Variants in HERC2 observed in about 807,000 individuals in gnomAD.
HERC2 encodes the protein HECT and RLD domain containing E3 ubiquitin protein ligase 2.
Under a neutral mutation model 537.7 loss-of-function variants are expected in HERC2, and 102 were observed. The ratio of observed to expected loss-of-function variants is 0.19; its 90% confidence interval spans 0.16 to 0.22. HERC2 has a LOEUF of 0.22. Ranked by LOEUF, HERC2 falls within the 10% of genes least tolerant of loss-of-function variation. The pLI is 1.00. For missense variants in HERC2, 4,236 were observed against 6,198.2 expected (o/e 0.68, Z 10.63); for synonymous variants, 2,224 against 2,466.2 (o/e 0.90, Z 2.91).
At chr15:28,316,744 A>C (rs2077097155) in intron 2 of HERC2, among the ~76,000 whole-genome samples, 1 of 152,188 alleles carries the variant, frequency 6.6e-6, no homozygotes, top group Admixed American at 6.5e-5. Flanking sequence ...AGAATTTATC[A>C]AGATACTCAT....
At position 28,265,536 on chromosome 15, in the gene HERC2, A is replaced by G; in HGVS notation, c.1870+82T>C. The G allele has an allele frequency of 8.4e-7, 1 of 1,187,462 alleles. No homozygotes were observed. Among genetic ancestry groups the G allele is most frequent in the Non-Finnish European group, 1.2e-6 (1 of 802,650 alleles). 73.6% of individuals were successfully genotyped at this position (1,187,462 alleles called of 1,614,324 possible). A position where few individuals can be genotyped will look rare whatever the true frequency, so the allele number is the denominator to read the frequency against. ...CAGGGTGGGTGGCCTCGTGAGGCCC[A>G]CTGTACTCATCTCACTTCCTCCAGG... On this transcript the variant is annotated intron_variant, in intron 14 of 92. Coordinates refer to ENST00000261609, the MANE Select transcript of HERC2 (RefSeq NM_004667.6). The surrounding 1 kb of genome is among the most constrained non-coding windows in gnomAD (Gnocchi z 4.0).
At chr15:28,220,303 G>A (rs1900386180) in intron 37 of HERC2, 149 bp downstream of exon 37, 1 of 731,572 alleles carries the variant, frequency 1.4e-6, no homozygotes, top group South Asian at 1.6e-5. Flanking sequence ...GTGCCTGGGA[G>A]CTTATTTAAA....
chr15:28,307,531 C>T (rs1259140341), intron 2 of HERC2, among the ~76,000 whole-genome samples: 4 of 152,150 alleles, frequency 2.6e-5, no homozygotes, highest in African/African-American at 9.6e-5. Context: ...CCACAGATTT[C>T]GTATGCTGTG....
At chr15:28,231,341 T>G (rs1359469902) in intron 30 of HERC2, among the ~76,000 whole-genome samples, 1 of 151,968 alleles carries the variant, frequency 6.6e-6, no homozygotes, top group Non-Finnish European at 1.5e-5. Context: ...GCCTGAGAAG[T>G]TTTTTGGTAT....
chr15:28,266,005 C>A, intron 12 of HERC2, 31 bp from the exon 13 acceptor site: 1 of 1,608,104 alleles, frequency 6.2e-7, no homozygotes, highest in Non-Finnish European at 8.5e-7. Context: ...ACATGAATGC[C>A]CTTCTTCTTG....
At chr15:28,193,287 G>A (rs573627226) in intron 52 of HERC2, among the ~76,000 whole-genome samples, 1 of 152,192 alleles carries the variant, frequency 6.6e-6, no homozygotes, top group East Asian at 1.9e-4. Context: ...TATTTCAGCA[G>A]AGAACCAAAA....
At chr15:28,295,722 T>C (rs997990111) in intron 3 of HERC2, among the ~76,000 whole-genome samples, 7 of 152,174 alleles carry the variant, frequency 4.6e-5, no homozygotes, top group Admixed American at 1.3e-4. Context: ...TTTTTAATAA[T>C]TGAAAAATAA....
rs774104595 is a variant in HERC2, at chr15:28,274,885, C to T, written c.643+20G>A. On this transcript the variant is annotated intron_variant, in intron 6 of 92. Coordinates refer to ENST00000261609, the MANE Select transcript of HERC2 (RefSeq NM_004667.6). ...GATGTATTAGGGAAGCAGAACAACG[C>T]GCCACACCAGGGACCGTACCTGATC... 23 of 1,588,836 alleles carry T rather than the reference C, an allele frequency of 1.4e-5. No individual in the cohort carries two copies. The highest frequency in any genetic ancestry group is 3.3e-5 in the Admixed American group (2 of 59,926).
chr15:28,125,312 T>C, intron 83 of HERC2, 119 bp from the exon 84 acceptor site: 3 of 807,964 alleles, frequency 3.7e-6, no homozygotes, highest in Non-Finnish European at 6.3e-6. Flanking sequence ...GGTGTTGACC[T>C]AGTTGTCAAC....
chr15:28,308,122 G>C lies in HERC2; in HGVS notation c.73-8606C>G, dbSNP rs3963457. 5.1e-3 allele frequency among the ~76,000 whole-genome samples: 779 copies of C among 152,068 alleles called. 7 individuals carry two copies. Among genetic ancestry groups the C allele is most frequent in the African/African-American group, 0.017 (718 of 41,474 alleles). On this transcript the variant is annotated intron_variant, in intron 2 of 92. Transcript: ENST00000261609. ...TTGGTATTTTGCTAGGGATTGCACT[G>C]AATCGGTAGATTGCTTTGGGTAGTA...
At chr15:28,132,401 T>C in intron 80 of HERC2, 140 bp from the exon 81 acceptor site, 1 of 900,398 alleles carries the variant, frequency 1.1e-6, no homozygotes, top group Non-Finnish European at 1.6e-6. Flanking sequence ...TAAAATCCTA[T>C]AAGACAAAAG....
In HERC2 at chr15:28,227,793, A is replaced by G. The variant is rs1901372743; in HGVS notation, c.5464+425T>C. On this transcript the variant is annotated intron_variant, in intron 35 of 92. Transcript: ENST00000261609. ...GAACAAAATGTTATATATTCATACAATGAAATCTTTTTCAGCCATAAAAAT... is the reference window on the plus strand; with the variant it reads ...GAACAAAATGTTATATATTCATACAGTGAAATCTTTTTCAGCCATAAAAAT... Among the ~76,000 whole-genome samples the G allele has an allele frequency of 3.9e-5, 6 of 152,260 alleles. No individual in the cohort carries two copies. The South Asian group carries it at 1.2e-3, about 31-fold the overall frequency.
Position 28,190,989 on chromosome 15 carries a change from C to A in HERC2, c.8625G>T (p.Val2875=). ...CCTCTGTGCAGTCATTCAGAAGGGG[C>A]ACTGTGGTGTCAGAAGGGTTAATAT... The part of the protein sequence containing the change: ...TININPSDTT[V]PLLNDCTEYH... Residue 2875 remains valine (V), a synonymous_variant, in exon 55 of 93, where the codon GTG becomes GTT. Coordinates refer to ENST00000261609, the MANE Select transcript of HERC2 (RefSeq NM_004667.6). 1 of 1,610,422 alleles carries A rather than the reference C, an allele frequency of 6.2e-7. No homozygotes were observed. The highest frequency in any genetic ancestry group is 8.5e-7 in the Non-Finnish European group (1 of 1,176,706).
chr15:28,252,026 T>C (rs898335524), intron 20 of HERC2, among the ~76,000 whole-genome samples: 5 of 152,198 alleles, frequency 3.3e-5, no homozygotes, highest in South Asian at 2.1e-4. Flanking sequence ...ACTCATAAAA[T>C]ACACAGTTGA....
intron 20 of HERC2, among the ~76,000 whole-genome samples, chr15:28,252,494 T>C (rs1239316519): frequency 6.6e-6 from 1 of 152,230 alleles, no homozygotes; most frequent in African/African-American, 2.4e-5. Context: ...CGTGGAACTT[T>C]ACATTTTAAT....
At chr15:28,293,591 G>A (rs1458331905) in intron 3 of HERC2, among the ~76,000 whole-genome samples, 1 of 151,678 alleles carries the variant, frequency 6.6e-6, no homozygotes, top group African/African-American at 2.4e-5. Context: ...TCTCAACTGA[G>A]AAACTTAAGT....
At chr15:28,289,636 A>G (rs118141530) in intron 4 of HERC2, among the ~76,000 whole-genome samples, 2,312 of 152,312 alleles carry the variant, frequency 0.015, 30 homozygotes, top group Middle Eastern at 0.041. Context: ...GTATTCGCTA[A>G]GAGAAGTGTC....
rs779415121 is a variant in HERC2 at position 28,130,135 on chromosome 15, A to G, written c.12802+28T>C. On this transcript the variant is annotated intron_variant, in intron 83 of 92. Coordinates refer to ENST00000261609, the MANE Select transcript of HERC2 (RefSeq NM_004667.6). ...CAACCCTCTTAGATTCACAGGCCTC[A>G]GTCCTGCGGCACTGAGCCCCTACCT... 1.2e-5 allele frequency: 20 copies of G among 1,612,922 alleles called. 1 individual carries two copies. The Middle Eastern group carries it at 8.3e-4, about 67-fold the overall frequency.
Position 28,113,048 on chromosome 15 carries a change from G to A in HERC2, c.14232+23C>T, listed in dbSNP as rs1302326069. On this transcript the variant is annotated intron_variant, in intron 92 of 92. Transcript: ENST00000261609. This position sits in a 1 kb window ranked among gnomAD's most constrained non-coding sequence, Gnocchi z 7.0. ...CGTCGGCCGACATCAGCCCAGGGCC[G>A]GCAAGCCCAGCCAGGAGCCTACCTG... 28 of 1,606,188 alleles carry A rather than the reference G, an allele frequency of 1.7e-5. No individual in the cohort carries two copies. The highest frequency in any genetic ancestry group is 2.2e-5 in the Non-Finnish European group (26 of 1,175,872).
Sources: gnomAD v4.1 joint callset for allele counts (sites outside exome capture counted in the v4.1 genomes callset) on GRCh38, gnomAD v4.1.1 for gene constraint, Gnocchi (gnomAD v3.1) non-coding constraint, MANE v1.5 for transcripts, NCBI Gene and HGNC (gene_info 2026-07-23, HGNC 2026-07-21) for gene names.